DLC1: variants seen among roughly 807,000 people sequenced by gnomAD.
The protein encoded by DLC1 is rho GTPase-activating protein 7.
DLC1 carries 54 observed loss-of-function variants against 140.3 expected under a neutral mutation model. That is an observed-to-expected ratio of 0.38 (90% CI 0.31 to 0.48). The LOEUF (loss-of-function observed/expected upper bound fraction) is 0.48, where lower values mean the gene tolerates loss of function less well. Among genes scored for constraint, DLC1 ranks in the 20% least tolerant of loss-of-function variants. The pLI is 0.96. For synonymous variants in DLC1, 986 were observed against 728.1 expected, an observed-to-expected ratio of 1.35 and a Z score of -5.70; for missense variants, 2,536 against 1,907.0, an observed-to-expected ratio of 1.33 and a Z score of -6.14.
rs1817341143 is a variant in DLC1, at chr8:13,083,841, C to G, written c.*1970G>C. 6.6e-6 allele frequency: 1 copy of G among 152,544 alleles called. No individual in the cohort carries two copies. Among genetic ancestry groups the G allele is most frequent in the Non-Finnish European group, 1.5e-5 (1 of 68,028 alleles). The allele number at this position is 152,544 out of a possible 1,614,324, so 9.4% of individuals were successfully genotyped here. ...ATCGCTCTTTTGATTGTAGTTGATG[C>G]TAAAATGCTATGCTTTGCAATCTGT... On this transcript the variant is annotated 3_prime_UTR_variant, in exon 18 of 18. Transcript: ENST00000276297.
intron 2 of DLC1, among the ~76,000 whole-genome samples, chr8:13,468,330 T>C (rs62492259): frequency 0.42 from 46,745 of 112,408 alleles, 10,829 homozygotes; most frequent in Non-Finnish European, 0.45. Context: ...TCTCTTTCCC[T>C]TCCCCCCATT....
intron 5 of DLC1, among the ~76,000 whole-genome samples, chr8:13,209,268 C>G (rs998007317): frequency 6.6e-6 from 1 of 152,060 alleles, no homozygotes. Flanking sequence ...TCTATAAAGA[C>G]TCATCTCAAG....
At chr8:13,304,441 C>T (rs911099321) in intron 5 of DLC1, 1 of 158,644 alleles carries the variant, frequency 6.3e-6, no homozygotes, top group Non-Finnish European at 1.4e-5. Context: ...AACTATCTAG[C>T]AGCAAAAATA....
intron 4 of DLC1, among the ~76,000 whole-genome samples, chr8:13,352,476 G>A (rs1049676545): frequency 1.3e-5 from 2 of 151,944 alleles, no homozygotes; most frequent in Non-Finnish European, 2.9e-5. Flanking sequence ...TGACCTCCTG[G>A]GCTCAAGCAG....
At chr8:13,108,466 C>A (rs1486005823) in intron 7 of DLC1, among the ~76,000 whole-genome samples, 1 of 152,164 alleles carries the variant, frequency 6.6e-6, no homozygotes, top group Admixed American at 6.5e-5. Context: ...CAGACTTATT[C>A]GCTTCAGAGA....
intron 8 of DLC1, 24 bp downstream of exon 8, chr8:13,102,766 C>G (rs758117540): frequency 1.1e-5 from 17 of 1,604,118 alleles, no homozygotes; most frequent in African/African-American, 2.7e-5. Flanking sequence ...CCCCCTCATT[C>G]TATTATGCAA....
At chr8:13,097,546 G>A (rs1268015958) in intron 10 of DLC1, among the ~76,000 whole-genome samples, 1 of 151,724 alleles carries the variant, frequency 6.6e-6, no homozygotes, top group East Asian at 1.9e-4. Context: ...TTACAGGCAT[G>A]AGCCACCACA....
chr8:13,171,862 A>T (rs1825505025), intron 5 of DLC1, among the ~76,000 whole-genome samples: 1 of 152,128 alleles, frequency 6.6e-6, no homozygotes, highest in African/African-American at 2.4e-5. Flanking sequence ...GTGAGGGTCA[A>T]TTGGAGGGAG....
chr8:13,280,304 A>G (rs918622001), intron 5 of DLC1, among the ~76,000 whole-genome samples: 115 of 151,128 alleles, frequency 7.6e-4, no homozygotes, highest in Middle Eastern at 3.4e-3. Context: ...AAAAAAAAAA[A>G]AAAAAAGAAA....
chr8:13,422,095 C>G (rs927358300), intron 2 of DLC1, among the ~76,000 whole-genome samples: 1 of 151,996 alleles, frequency 6.6e-6, no homozygotes, highest in Non-Finnish European at 1.5e-5. Context: ...TCTTTTGAGT[C>G]AGAGAGCTTA....
chr8:13,498,300 C>T (rs1216802283), intron 2 of DLC1, among the ~76,000 whole-genome samples: 1 of 152,184 alleles, frequency 6.6e-6, no homozygotes, highest in Non-Finnish European at 1.5e-5. Context: ...GTCAAGGGTT[C>T]ACTTGCTAAA....
rs1313456331 is a variant in DLC1, at chr8:13,265,045, A to G, written c.1348+40224T>C. 3.3e-5 allele frequency among the ~76,000 whole-genome samples: 5 copies of G among 152,340 alleles called. No individual in the cohort carries two copies. The East Asian group carries it at 9.6e-4, about 29-fold the overall frequency. ...CTTGGCTTCTGACCTTCAGAGCTCA[A>G]TTTGTACAAGGGTATGGGTCAGCTT... is the stretch of plus-strand genomic sequence containing the variant. On this transcript the variant is annotated intron_variant, in intron 5 of 17. Coordinates refer to ENST00000276297, the MANE Select transcript of DLC1 (RefSeq NM_182643.3).
chr8:13,524,058 GTCAC>G (rs918320690), intron 1 of DLC1, among the ~76,000 whole-genome samples: 1 of 151,006 alleles, frequency 6.6e-6, no homozygotes, highest in African/African-American at 2.4e-5. Context: ...TCATGATTCA[GTCAC>G]TCAGCTAATC....
chr8:13,273,499 C>A (rs1041763906), intron 5 of DLC1, among the ~76,000 whole-genome samples: 2 of 152,218 alleles, frequency 1.3e-5, no homozygotes, highest in Non-Finnish European at 2.9e-5. Flanking sequence ...GTAAGACAAT[C>A]TGATCTGTCC....
At chr8:13,474,077 T>C (rs941445569) in intron 2 of DLC1, among the ~76,000 whole-genome samples, 1 of 152,190 alleles carries the variant, frequency 6.6e-6, no homozygotes, top group Non-Finnish European at 1.5e-5. Context: ...CAGGTCTTCA[T>C]GGCAGCCCCT....
At chr8:13,177,975 A>G (rs1251161556) in intron 5 of DLC1, among the ~76,000 whole-genome samples, 1 of 152,206 alleles carries the variant, frequency 6.6e-6, no homozygotes, top group African/African-American at 2.4e-5. Flanking sequence ...TATAGGAAAT[A>G]TTTAAGATAA....
intron 5 of DLC1, among the ~76,000 whole-genome samples, chr8:13,283,860 C>A (rs1469751565): frequency 6.6e-6 from 1 of 152,128 alleles, no homozygotes; most frequent in Non-Finnish European, 1.5e-5. Context: ...GGAATGGAGG[C>A]AGCTAGAATT....
At chr8:13,536,393 A>G (rs998356157) in intron 1 of DLC1, among the ~76,000 whole-genome samples, 1 of 152,234 alleles carries the variant, frequency 6.6e-6, no homozygotes, top group Non-Finnish European at 1.5e-5. Context: ...CATTGGTTTA[A>G]TGCAGCTCAG....
At chr8:13,090,119 G>C (rs549554142) in intron 15 of DLC1, 133 bp downstream of exon 15, 3 of 772,812 alleles carry the variant, frequency 3.9e-6, no homozygotes, top group East Asian at 5.4e-5. Context: ...TACTCACCCC[G>C]GTGCCCAGCT....
Sources: allele counts gnomAD v4.1 joint callset (sites outside exome capture counted in the v4.1 genomes callset), GRCh38; gene constraint gnomAD v4.1.1; transcripts MANE v1.5; gene names NCBI Gene and HGNC (gene_info 2026-07-23, HGNC 2026-07-21).